Variants in HEATR5A observed in about 807,000 individuals in gnomAD.
The protein encoded by HEATR5A is HEAT repeat-containing protein 5A.
In HEATR5A, 178 loss-of-function variants were observed where a neutral mutation model predicts 218.8. The ratio of observed to expected loss-of-function variants is 0.81; its 90% CI spans 0.72 to 0.92. The LOEUF (loss-of-function observed/expected upper bound fraction) is 0.92, where lower values mean the gene tolerates loss of function less well. HEATR5A is among the 40% of genes least tolerant of loss of function. The pLI is 0.00. For synonymous variants in HEATR5A, 864 were observed against 871.6 expected (o/e 0.99, Z 0.15); for missense variants, 2,420 against 2,418.9 (o/e 1.00, Z -0.01).
At position 31,323,581 on chromosome 14, in the gene HEATR5A, T is replaced by G. The variant is rs762082645; in HGVS notation, c.3771A>C (p.Lys1257Asn). Residue 1257 changes from lysine to asparagine, a missense_variant, in exon 24 of 36, where the codon AAA becomes AAC. Coordinates refer to ENST00000543095, the MANE Select transcript of HEATR5A (RefSeq NM_015473.4). ...GTCACTTACTTCTTGAATCTCTTTT[T>G]TTCATTTCTTGTGCTAAAGCAATGT... Reference protein sequence around the residue: ...HFDIALAQEMKKRDSRNDFLV... With the variant: ...HFDIALAQEMNKRDSRNDFLV... 12 of 1,602,400 alleles carry G rather than the reference T, an allele frequency of 7.5e-6. No individual in the cohort carries two copies. The African/African-American group carries it at 1.5e-4, about 20-fold the overall frequency.
Position 31,400,381 on chromosome 14 carries a change from G to A in HEATR5A, c.258C>T (p.Phe86=), listed in dbSNP as rs1179997659. 1 of 1,535,836 alleles carries A rather than the reference G, an allele frequency of 6.5e-7. No individual in the cohort carries two copies. Reference sequence around the variant, plus strand: ...ATTTATCGATTGCTTCATGAACGGAGAATGTGTCTCCAATACTATAAAGTA... The same window carrying A: ...ATTTATCGATTGCTTCATGAACGGAAAATGTGTCTCCAATACTATAAAGTA... The part of the protein sequence containing the change: ...LAILYSIGDT[F]SVHEAIDKCN... Residue 86 remains phenylalanine, a synonymous_variant, in exon 3 of 36, where the codon TTC becomes TTT. Transcript: ENST00000543095.
intron 24 of HEATR5A, 85 bp downstream of exon 24, chr14:31,323,479 AT>A (rs1900171863): frequency 5.5e-6 from 6 of 1,099,050 alleles, no homozygotes; most frequent in Admixed American, 6.3e-5. Context: ...TTTTAAAAAA[AT>A]ATTTTAATAT....
At chr14:31,336,585 T>TA (rs11397751) in intron 22 of HEATR5A, among the ~76,000 whole-genome samples, 51,905 of 151,994 alleles carry the variant, frequency 0.34, 10,203 homozygotes, top group Non-Finnish European at 0.43. Flanking sequence ...GATATACACT[T>TA]AAATCTTACT....
At chr14:31,377,035 G>A (rs562989073) in intron 11 of HEATR5A, among the ~76,000 whole-genome samples, 27 of 151,658 alleles carry the variant, frequency 1.8e-4, no homozygotes, top group African/African-American at 6.3e-4. Flanking sequence ...CGAGGCAGGA[G>A]GACTGCTTGA....
intron 22 of HEATR5A, chr14:31,334,408 A>T (rs752663649): frequency 2.2e-6 from 1 of 456,158 alleles, no homozygotes; most frequent in South Asian, 1.5e-5. Context: ...TTATCATTCT[A>T]GATGGTTTCT....
intron 10 of HEATR5A, among the ~76,000 whole-genome samples, chr14:31,381,311 G>C (rs1317962441): frequency 1.3e-5 from 2 of 151,908 alleles, no homozygotes; most frequent in East Asian, 1.9e-4. Context: ...TCTTCCAAGA[G>C]GTAGTATACT....
intron 16 of HEATR5A, among the ~76,000 whole-genome samples, chr14:31,357,026 A>G (rs1384858412): frequency 6.6e-6 from 1 of 152,234 alleles, no homozygotes; most frequent in East Asian, 1.9e-4. Flanking sequence ...AAAGGCAGTT[A>G]CAGACTAGTT....
intron 13 of HEATR5A, among the ~76,000 whole-genome samples, chr14:31,367,668 C>T (rs530908721): frequency 6.7e-6 from 1 of 149,656 alleles, no homozygotes; most frequent in South Asian, 2.1e-4. Context: ...ATCTACCCAC[C>T]TCAGCCTCCC....
intron 22 of HEATR5A, among the ~76,000 whole-genome samples, chr14:31,329,471 GT>G (rs1900390041): frequency 6.6e-6 from 1 of 152,224 alleles, no homozygotes. Context: ...CCAAAATCCA[GT>G]GGGGCAGTCA....
chr14:31,301,297 C>T (rs1276889229), intron 33 of HEATR5A, among the ~76,000 whole-genome samples: 1 of 152,038 alleles, frequency 6.6e-6, no homozygotes, highest in African/African-American at 2.4e-5. Context: ...GCTTTGTGCC[C>T]CAGGATGGAG....
chr14:31,326,165 G>A lies in HEATR5A; in HGVS notation c.3545C>T (p.Ala1182Val). The A allele has an allele frequency of 6.2e-7, 1 of 1,608,446 alleles. No individual in the cohort carries two copies. Among genetic ancestry groups the A allele is most frequent in the Non-Finnish European group, 8.5e-7 (1 of 1,175,118 alleles). Residue 1182 changes from alanine to valine, a missense_variant and splice_region_variant, in exon 23 of 36, where the codon GCT (alanine) becomes GTT (valine). Transcript: ENST00000543095. ...AACTGATAATGTCCAATACTTACCA[G>A]CTGATGCAGCAAGTACATCTTTACA... is the stretch of plus-strand genomic sequence containing the variant. ...KLCKDVLAAS[A>V]DFTAVTCVDT...
intron 13 of HEATR5A, among the ~76,000 whole-genome samples, chr14:31,366,757 A>G (rs978879449): frequency 6.6e-6 from 1 of 152,248 alleles, no homozygotes; most frequent in Non-Finnish European, 1.5e-5. Context: ...TACATTTAAA[A>G]AAATGAAACA....
chr14:31,379,797 A>G (rs2029910490), intron 11 of HEATR5A, among the ~76,000 whole-genome samples: 1 of 152,054 alleles, frequency 6.6e-6, no homozygotes, highest in African/African-American at 2.4e-5. Flanking sequence ...CTACAAAAAA[A>G]ATTTTTTTAA....
chr14:31,357,092 T>A (rs1039258174), intron 16 of HEATR5A, among the ~76,000 whole-genome samples: 5 of 152,198 alleles, frequency 3.3e-5, no homozygotes, highest in African/African-American at 9.7e-5. Context: ...ACTGTAATTT[T>A]CCTCTTCATT....
In HEATR5A at chr14:31,307,927, A is replaced by C; in HGVS notation, c.4784T>G (p.Val1595Gly). 3 of 1,613,824 alleles carry C rather than the reference A, an allele frequency of 1.9e-6. No homozygotes were observed. The highest frequency in any genetic ancestry group is 1.3e-5 in the African/African-American group (1 of 75,050). ...GCCAATTTTTGATCTGGGCCAAGGTACATCTAGAAGTGCTTGCAATGCATG... is the reference window on the plus strand; with the variant it reads ...GCCAATTTTTGATCTGGGCCAAGGTCCATCTAGAAGTGCTTGCAATGCATG... ...CLHALQALLD[V>G]PWPRSKIGSD... Residue 1595 changes from valine (V) to glycine (G), a missense_variant, in exon 30 of 36, where the codon GTA becomes GGA. Coordinates refer to ENST00000543095, the MANE Select transcript of HEATR5A (RefSeq NM_015473.4).
chr14:31,412,269 T>A (rs2139324819), intron 1 of HEATR5A, among the ~76,000 whole-genome samples: 1 of 152,290 alleles, frequency 6.6e-6, no homozygotes, highest in Admixed American at 6.5e-5. Context: ...GATCAAATTA[T>A]CTATATAAAC....
intron 25 of HEATR5A, among the ~76,000 whole-genome samples, chr14:31,319,428 C>T (rs1182333497): frequency 6.6e-6 from 1 of 152,308 alleles, no homozygotes; most frequent in Non-Finnish European, 1.5e-5. Flanking sequence ...GCTGGGATTA[C>T]AGGCATGAGC....
intron 13 of HEATR5A, among the ~76,000 whole-genome samples, chr14:31,369,787 G>T (rs931379460): frequency 2.6e-5 from 4 of 151,898 alleles, no homozygotes; most frequent in South Asian, 4.2e-4. Context: ...AATTAGCTGG[G>T]TATGGTGGTG....
At chr14:31,379,054 G>A (rs1370042621) in intron 11 of HEATR5A, among the ~76,000 whole-genome samples, 1 of 150,566 alleles carries the variant, frequency 6.6e-6, no homozygotes, top group East Asian at 2.0e-4. Flanking sequence ...CAATTCTCCT[G>A]CCTCAGCCTC....
Sources: gnomAD v4.1 joint callset for allele counts (sites outside exome capture counted in the v4.1 genomes callset) on GRCh38, gnomAD v4.1.1 for gene constraint, MANE v1.5 for transcripts, NCBI Gene and HGNC (gene_info 2026-07-23, HGNC 2026-07-21) for gene names.